FAM118B: variants seen among roughly 807,000 people sequenced by gnomAD.
FAM118B encodes SIR2 antiphage like 1.
In FAM118B, 24 loss-of-function variants were observed where a neutral mutation model predicts 38.5. The observed-to-expected ratio is 0.62, with a 90% CI of 0.45 to 0.88. The LOEUF is 0.88. FAM118B is among the 40% of genes least tolerant of loss of function. The pLI is 0.00. For synonymous variants in FAM118B, 138 were observed against 156.3 expected (o/e 0.88, Z 0.87); for missense variants, 334 against 420.0 (o/e 0.80, Z 1.79).
chr11:126,238,858 C>G (rs1035956700), intron 3 of FAM118B, among the ~76,000 whole-genome samples: 2 of 151,726 alleles, frequency 1.3e-5, no homozygotes, highest in African/African-American at 4.8e-5. Context: ...CTTTACCTAG[C>G]CTACTTTTTA....
At chr11:126,217,577 A>C (rs2135124181) in intron 1 of FAM118B, among the ~76,000 whole-genome samples, 1 of 152,244 alleles carries the variant, frequency 6.6e-6, no homozygotes, top group South Asian at 2.1e-4. Context: ...TCTTATCAGT[A>C]ACATTTTCTG....
At chr11:126,227,996 C>T (rs1014190830) in intron 1 of FAM118B, among the ~76,000 whole-genome samples, 22 of 151,420 alleles carry the variant, frequency 1.5e-4, no homozygotes, top group Non-Finnish European at 1.5e-4. Flanking sequence ...GATGGGGTTT[C>T]GCCATGTTGC....
At chr11:126,227,759 C>T (rs1950161799) in intron 1 of FAM118B, among the ~76,000 whole-genome samples, 2 of 152,100 alleles carry the variant, frequency 1.3e-5, no homozygotes, top group South Asian at 2.1e-4. Context: ...GACAGTTACA[C>T]TTGAGGGTTT....
intron 7 of FAM118B, 128 bp from the exon 8 acceptor site, chr11:126,261,297 T>TGTTTCATTTCTAAATGCCC: frequency 1.5e-6 from 1 of 688,664 alleles, no homozygotes. Flanking sequence ...TCTCAATGAT[T>TGTTTCATTTCTAAATGCCC]GTTTCATTTC....
chr11:126,258,520 C>T (rs1268015005), intron 7 of FAM118B, among the ~76,000 whole-genome samples: 1 of 152,210 alleles, frequency 6.6e-6, no homozygotes, highest in African/African-American at 2.4e-5. Context: ...ACAGCTTCTT[C>T]CATGGCTATG....
chr11:126,236,928 T>G (rs1331966232), intron 3 of FAM118B, among the ~76,000 whole-genome samples: 1 of 147,274 alleles, frequency 6.8e-6, no homozygotes, highest in Non-Finnish European at 1.5e-5. Flanking sequence ...TTTTTTTTTT[T>G]TTTTTTTTTA....
At chr11:126,212,064 GC>G (rs1281643627) in intron 1 of FAM118B, among the ~76,000 whole-genome samples, 1 of 152,184 alleles carries the variant, frequency 6.6e-6, no homozygotes, top group Non-Finnish European at 1.5e-5. Context: ...GTCCCTCTTA[GC>G]CACTGAATCT....
chr11:126,234,710 G>T (rs971040136), intron 2 of FAM118B, among the ~76,000 whole-genome samples: 1 of 152,170 alleles, frequency 6.6e-6, no homozygotes, highest in African/African-American at 2.4e-5. Context: ...GACATGAGTT[G>T]ACACTGTTTT....
chr11:126,248,385 T>TA, intron 4 of FAM118B, among the ~76,000 whole-genome samples: 1 of 139,422 alleles, frequency 7.2e-6, no homozygotes, highest in Non-Finnish European at 1.5e-5. Context: ...TTTTTTTTTT[T>TA]TTGAGATGGA....
intron 4 of FAM118B, among the ~76,000 whole-genome samples, chr11:126,242,019 C>T (rs538771487): frequency 0.029 from 2,693 of 92,420 alleles, 84 homozygotes; most frequent in African/African-American, 0.11. Flanking sequence ...AGGAAGACTC[C>T]GTCTCAAAAA....
chr11:126,219,979 A>G (rs1397834425), intron 1 of FAM118B, among the ~76,000 whole-genome samples: 1 of 152,126 alleles, frequency 6.6e-6, no homozygotes, highest in African/African-American at 2.4e-5. Flanking sequence ...TATGGTGTGA[A>G]AGCAGGGGCA....
intron 2 of FAM118B, among the ~76,000 whole-genome samples, chr11:126,232,655 A>G (rs1272514162): frequency 6.6e-6 from 1 of 151,538 alleles, no homozygotes. Flanking sequence ...TTCCTTAAAA[A>G]CAACTTAAAA....
rs35811458 is a variant in FAM118B at position 126,223,583 on chromosome 11, G to GAAA, written c.-76-5627_-76-5625dup. 7.4e-4 allele frequency among the ~76,000 whole-genome samples: 87 copies of GAAA among 118,302 alleles called. 1 individual carries two copies. The highest frequency in any genetic ancestry group is 2.4e-3 in the East Asian group (11 of 4,572). The allele number at this position is 118,302 out of a possible 152,430, so 77.6% of individuals were successfully genotyped here. A position where few individuals can be genotyped will look rare whatever the true frequency, so the allele number is the denominator to read the frequency against. On this transcript the variant is annotated intron_variant, in intron 1 of 8. Transcript: ENST00000533050. ...TGCACTCCAGCCTGGGCGAAAGAGC[G>GAAA]AAAAAAAAAAAAAAAAATCTTTTGC...
chr11:126,234,575 G>A (rs1271898255), intron 2 of FAM118B, among the ~76,000 whole-genome samples: 1 of 152,206 alleles, frequency 6.6e-6, no homozygotes, highest in African/African-American at 2.4e-5. Flanking sequence ...GAGAGTAAAT[G>A]GGTAATTGGG....
intron 1 of FAM118B, among the ~76,000 whole-genome samples, chr11:126,223,752 T>TA (rs1950100926): frequency 6.6e-6 from 1 of 152,164 alleles, no homozygotes; most frequent in Non-Finnish European, 1.5e-5. Context: ...AATCAACCCT[T>TA]AAAAACCAGT....
intron 2 of FAM118B, among the ~76,000 whole-genome samples, chr11:126,230,992 G>A (rs138679160): frequency 9.2e-5 from 14 of 152,102 alleles, no homozygotes; most frequent in African/African-American, 3.1e-4. Context: ...TAGAACACTC[G>A]CCCTTTTTCC....
At chr11:126,234,468 C>T (rs1950245416) in intron 2 of FAM118B, among the ~76,000 whole-genome samples, 1 of 152,148 alleles carries the variant, frequency 6.6e-6, no homozygotes, top group African/African-American at 2.4e-5. Flanking sequence ...GAGACATGCC[C>T]CACTGGCTAC....
In FAM118B at chr11:126,262,272, AG is replaced by A. The variant is rs1210643011; in HGVS notation, c.*145del. 6 of 722,224 alleles carry A rather than the reference AG, an allele frequency of 8.3e-6. No homozygotes were observed. The East Asian group carries it at 1.4e-4, about 16-fold the overall frequency. The allele number at this position is 722,224 out of a possible 1,614,324, so 44.7% of individuals were successfully genotyped here. On this transcript the variant is annotated 3_prime_UTR_variant, in exon 9 of 9. Coordinates refer to ENST00000533050, the MANE Select transcript of FAM118B (RefSeq NM_024556.4). ...CAGAGGTTGAAGGGCGGGGTAGAAGAGGGGGGAATGTTGCAGCGTAATCCTT... is the reference window on the plus strand; with the variant it reads ...CAGAGGTTGAAGGGCGGGGTAGAAGAGGGGGAATGTTGCAGCGTAATCCTT...
chr11:126,217,994 A>G (rs755604694), intron 1 of FAM118B, among the ~76,000 whole-genome samples: 3 of 152,182 alleles, frequency 2.0e-5, no homozygotes, highest in Non-Finnish European at 4.4e-5. Flanking sequence ...CAGTTTTATG[A>G]TGTGTATTAA....
Sources: allele counts gnomAD v4.1 joint callset (sites outside exome capture counted in the v4.1 genomes callset), GRCh38; gene constraint gnomAD v4.1.1; transcripts MANE v1.5; gene names NCBI Gene and HGNC (gene_info 2026-07-23, HGNC 2026-07-21).